LEMD2: variants seen among roughly 807,000 people sequenced by gnomAD.
LEMD2 encodes LEM domain-containing protein 2.
LEMD2 carries 34 observed loss-of-function variants against 58.8 expected under a neutral mutation model. The observed-to-expected ratio is 0.58, with a 90% CI of 0.44 to 0.77. LEMD2 has a LOEUF of 0.77. Among genes scored for constraint, LEMD2 ranks in the 30% least tolerant of loss-of-function variants. LEMD2 has a pLI of 0.00. For missense variants in LEMD2, 629 were observed against 717.9 expected (o/e 0.88, Z 1.42); for synonymous variants, 298 against 308.9 (o/e 0.96, Z 0.37).
chr6:33,786,634 C>T (rs1209245013), intron 2 of LEMD2, 100 bp downstream of exon 2: 6 of 881,512 alleles, frequency 6.8e-6, no homozygotes, highest in South Asian at 5.8e-5. Context: ...AGGAAGCACT[C>T]CCTGAAAATG....
In LEMD2 at chr6:33,778,587, C is replaced by T. The variant is rs1248393340; in HGVS notation, c.1011-200G>A. ...CTTAGAATGAATAAAGCTTTAAAGA[C>T]GGCAGCAGGCTTGAACCCCTACCGC... On this transcript the variant is annotated intron_variant, in intron 5 of 8. Coordinates refer to ENST00000293760, the MANE Select transcript of LEMD2 (RefSeq NM_181336.4). The surrounding 1 kb of genome is among the most constrained non-coding windows in gnomAD (Gnocchi z 4.7). 10 of 409,976 alleles carry T rather than the reference C, an allele frequency of 2.4e-5. No homozygotes were observed. The South Asian group carries it at 2.7e-4, about 11-fold the overall frequency. 25.4% of individuals were successfully genotyped at this position (409,976 alleles called of 1,614,324 possible). A position where few individuals can be genotyped will look rare whatever the true frequency, so the allele number is the denominator to read the frequency against.
At chr6:33,779,463 C>CGAGAG (rs1202435631) in intron 5 of LEMD2, 1 of 152,088 alleles carries the variant, frequency 6.6e-6, no homozygotes, top group Admixed American at 6.6e-5. Flanking sequence ...CCACAAACAC[C>CGAGAG]GAGAGTGGGA....
At chr6:33,786,411 G>A (rs1767677510) in intron 2 of LEMD2, among the ~76,000 whole-genome samples, 1 of 152,186 alleles carries the variant, frequency 6.6e-6, no homozygotes, top group Admixed American at 6.5e-5. Flanking sequence ...CCCAGTGCCA[G>A]GGAGCTTGAG....
At chr6:33,776,742 T>C (rs1767438165) in intron 8 of LEMD2, 1 of 591,444 alleles carries the variant, frequency 1.7e-6, no homozygotes, top group Non-Finnish European at 3.0e-6. Flanking sequence ...AGGTGTGGGA[T>C]TGTGCTTTCA....
Position 33,788,685 on chromosome 6 carries a change from G to A in LEMD2, c.432C>T (p.Asp144=). 2 of 1,348,530 alleles carry A rather than the reference G, an allele frequency of 1.5e-6. No homozygotes were observed. Among genetic ancestry groups the A allele is most frequent in the South Asian group, 3.5e-5 (2 of 56,982 alleles). 83.5% of individuals were successfully genotyped at this position (1,348,530 alleles called of 1,614,324 possible). ...GCGTGGCCCTGTCGGGCGTCCGGGCGTCCTCGTCCTCCTCGGAGCTGCCCC... is the reference window on the plus strand; with the variant it reads ...GCGTGGCCCTGTCGGGCGTCCGGGCATCCTCGTCCTCCTCGGAGCTGCCCC... ...SVRGSSEEDE[D]ARTPDRATQG... is the part of the protein sequence containing the mutation. Residue 144 remains aspartate (D), a synonymous_variant, in exon 1 of 9, where the codon GAC becomes GAT. Coordinates refer to ENST00000293760, the MANE Select transcript of LEMD2 (RefSeq NM_181336.4).
chr6:33,771,389 T>C lies in LEMD2; in HGVS notation c.*1239A>G, dbSNP rs796579509. On this transcript the variant is annotated 3_prime_UTR_variant, in exon 9 of 9. Coordinates refer to ENST00000293760, the MANE Select transcript of LEMD2 (RefSeq NM_181336.4). ...CCAGACATCAGAGGAAATGAGAGTA[T>C]TGCTCAAATGAGGGAGACTGGAGCT... The C allele has an allele frequency of 8.5e-5, 13 of 152,340 alleles. No individual in the cohort carries two copies. Among genetic ancestry groups the C allele is most frequent in the African/African-American group, 3.1e-4 (13 of 41,552 alleles). The allele number at this position is 152,340 out of a possible 1,614,324, so 9.4% of individuals were successfully genotyped here.
chr6:33,788,930 G>C lies in LEMD2; in HGVS notation c.187C>G (p.Arg63Gly), dbSNP rs1428371347. The C allele has an allele frequency of 6.7e-7, 1 of 1,492,950 alleles. No individual in the cohort carries two copies. Among genetic ancestry groups the C allele is most frequent in the Non-Finnish European group, 8.9e-7 (1 of 1,129,154 alleles). The allele number at this position is 1,492,950 out of a possible 1,614,324, so 92.5% of individuals were successfully genotyped here. A position where few individuals can be genotyped will look rare whatever the true frequency, so the allele number is the denominator to read the frequency against. The change falls in exon 1 of 9, where the codon CGG (arginine) becomes GGG (glycine). Residue 63 changes from arginine (R) to glycine (G), a missense_variant. Around this residue, in one of 2 missense-constraint regions of LEMD2, gnomAD observed 386 missense variants for 381.1 expected, o/e 1.01. Transcript: ENST00000293760. ...TCCTCGCGTAACCGGGCCTCTTCCC[G>C]TAACCGCTCCTCGCCCCGCGGCCGG... is the stretch of plus-strand genomic sequence containing the variant. ...EARPRGEERL[R>G]EEARLREDAP...
Position 33,778,229 on chromosome 6 carries a change from G to T in LEMD2, c.1156+13C>A. 1 of 1,572,380 alleles carries T rather than the reference G, an allele frequency of 6.4e-7. No homozygotes were observed. Among genetic ancestry groups the T allele is most frequent in the Admixed American group, 1.8e-5 (1 of 55,224 alleles). On this transcript the variant is annotated intron_variant, in intron 6 of 8. Coordinates refer to ENST00000293760, the MANE Select transcript of LEMD2 (RefSeq NM_181336.4). This position sits in a 1 kb window ranked among gnomAD's most constrained non-coding sequence, Gnocchi z 4.7. ...ACTGCACAGAAGGGGAGGGAAGGCG[G>T]CCGAGGACTTACACCAGAAGAAGAT...
Position 33,788,765 on chromosome 6 carries a change from G to C in LEMD2, c.352C>G (p.Arg118Gly). The change falls in exon 1 of 9, where the codon CGC (arginine) becomes GGC (glycine). Residue 118 changes from arginine to glycine, a missense_variant. Arg to Gly is a moderately radical substitution (Grantham distance 125). Coordinates refer to ENST00000293760, the MANE Select transcript of LEMD2 (RefSeq NM_181336.4). ...GGGCGGGCAGGATAGGCGAGGCCGC[G>C]GCTCCCTACCCAGGAAGCCGCGGAG... ...RPSAASWVGS[R>G]GLAYPARPAQ... 2.1e-6 allele frequency: 3 copies of C among 1,448,964 alleles called. No homozygotes were observed. The highest frequency in any genetic ancestry group is 2.7e-6 in the Non-Finnish European group (3 of 1,102,598). 89.8% of individuals were successfully genotyped at this position (1,448,964 alleles called of 1,614,324 possible). A position where few individuals can be genotyped will look rare whatever the true frequency, so the allele number is the denominator to read the frequency against.
chr6:33,784,460 A>T, intron 2 of LEMD2, 33 bp from the exon 3 acceptor site: 3 of 33,282 alleles, frequency 9.0e-5, no homozygotes, highest in East Asian at 5.3e-4. Context: ...GTCAGCAAGG[A>T]GGGGTGGGTG....
chr6:33,781,015 G>C, intron 4 of LEMD2, 62 bp downstream of exon 4: 1 of 1,166,946 alleles, frequency 8.6e-7, no homozygotes. Flanking sequence ...AACAGGGCTT[G>C]AAAGACCAAT....
At chr6:33,774,124 G>A (rs1015031933) in intron 8 of LEMD2, among the ~76,000 whole-genome samples, 1 of 151,996 alleles carries the variant, frequency 6.6e-6, no homozygotes, top group Non-Finnish European at 1.5e-5. Flanking sequence ...TAAGCCCAAG[G>A]CATAATGGCT....
chr6:33,781,425 T>C (rs1767562828), intron 3 of LEMD2: 1 of 434,702 alleles, frequency 2.3e-6, no homozygotes, highest in African/African-American at 2.0e-5. Context: ...CTCTTTGCAA[T>C]TGATCCCTAA....
intron 4 of LEMD2, among the ~76,000 whole-genome samples, chr6:33,780,741 C>T (rs943150567): frequency 3.3e-5 from 5 of 152,080 alleles, no homozygotes; most frequent in South Asian, 2.1e-4. Context: ...GGTAATCATA[C>T]GGGGGAGAAG....
At chr6:33,788,320 G>C (rs899967653) in intron 1 of LEMD2, 61 bp downstream of exon 1, 12 of 1,474,640 alleles carry the variant, frequency 8.1e-6, no homozygotes, top group Non-Finnish European at 1.1e-5. Context: ...ACAGGAACGG[G>C]GGGTCCTCCG....
intron 3 of LEMD2, among the ~76,000 whole-genome samples, chr6:33,783,896 A>G (rs1374881715): frequency 6.6e-6 from 1 of 152,242 alleles, no homozygotes; most frequent in African/African-American, 2.4e-5. Flanking sequence ...ATGTGACACC[A>G]GGGCCCACTA....
At chr6:33,779,799 T>G in intron 5 of LEMD2, 1 of 293,618 alleles carries the variant, frequency 3.4e-6, no homozygotes, top group Non-Finnish European at 6.3e-6. Context: ...AACCATGTGG[T>G]GTTGTTGATG....
intron 4 of LEMD2, among the ~76,000 whole-genome samples, chr6:33,780,640 G>A (rs1767544929): frequency 6.6e-6 from 1 of 152,200 alleles, no homozygotes; most frequent in Admixed American, 6.5e-5. Flanking sequence ...TTACTGGACA[G>A]GCAGGCGACC....
intron 8 of LEMD2, among the ~76,000 whole-genome samples, chr6:33,773,579 CAGTG>C (rs1767353928): frequency 7.8e-6 from 1 of 127,970 alleles, no homozygotes. Context: ...CGGAGGTGGC[CAGTG>C]AGTCAGGAGG....
Sources: allele counts gnomAD v4.1 joint callset (sites outside exome capture counted in the v4.1 genomes callset), GRCh38; gene constraint gnomAD v4.1.1; regional missense constraint gnomAD v4.1.1; non-coding constraint Gnocchi (gnomAD v3.1); transcripts MANE v1.5; gene names NCBI Gene and HGNC (gene_info 2026-07-23, HGNC 2026-07-21).